NALF1: variants seen among roughly 807,000 people sequenced by gnomAD.
NALF1 encodes the protein family with sequence similarity 155 member A.
A neutral mutation model predicts 48.4 loss-of-function variants in NALF1; 3 were observed. That is an observed-to-expected ratio of 0.06 (90% CI 0.03 to 0.16). NALF1 has a LOEUF of 0.16. Among genes scored for constraint, NALF1 ranks in the 10% least tolerant of loss-of-function variants. The pLI is 1.00. For synonymous variants in NALF1, 262 were observed against 245.7 expected (o/e 1.07, Z -0.62); for missense variants, 526 against 571.5 (o/e 0.92, Z 0.81).
chr13:107,701,692 G>T (rs944322446), intron 1 of NALF1, among the ~76,000 whole-genome samples: 3 of 152,132 alleles, frequency 2.0e-5, no homozygotes, highest in Admixed American at 2.0e-4. Flanking sequence ...TAATACAACT[G>T]TATTGCATTT....
intron 1 of NALF1, among the ~76,000 whole-genome samples, chr13:107,760,867 T>C (rs1877242580): frequency 6.6e-6 from 1 of 152,156 alleles, no homozygotes; most frequent in Non-Finnish European, 1.5e-5. Flanking sequence ...GCAGTAGTAG[T>C]TGAGTCGGAC....
intron 1 of NALF1, among the ~76,000 whole-genome samples, chr13:107,234,292 G>A (rs1306524084): frequency 1.3e-5 from 2 of 152,168 alleles, no homozygotes; most frequent in African/African-American, 4.8e-5. Flanking sequence ...CGGGGCTTAG[G>A]TGAGCCCCTC....
At chr13:107,298,676 C>T (rs1282319854) in intron 1 of NALF1, among the ~76,000 whole-genome samples, 3 of 152,066 alleles carry the variant, frequency 2.0e-5, no homozygotes, top group Non-Finnish European at 4.4e-5. Flanking sequence ...AGGATCCACC[C>T]GCCTCAGCCT....
chr13:107,440,276 A>C (rs1884534524), intron 1 of NALF1, among the ~76,000 whole-genome samples: 1 of 152,216 alleles, frequency 6.6e-6, no homozygotes, highest in Non-Finnish European at 1.5e-5. Context: ...ATTTTATGGA[A>C]GACGTGGTGG....
intron 1 of NALF1, among the ~76,000 whole-genome samples, chr13:107,618,277 A>G (rs1879432809): frequency 6.6e-6 from 1 of 152,208 alleles, no homozygotes; most frequent in African/African-American, 2.4e-5. Context: ...GCAAACAGGA[A>G]CTGTTCAAGG....
At chr13:107,181,479 GTGTTT>G (rs1320588631) in intron 2 of NALF1, among the ~76,000 whole-genome samples, 3 of 151,020 alleles carry the variant, frequency 2.0e-5, no homozygotes, top group Non-Finnish European at 4.4e-5. Context: ...CTTTTTTGCT[GTGTTT>G]TGTTTTAGTT....
chr13:107,731,645 C>T (rs1876312521), intron 1 of NALF1, among the ~76,000 whole-genome samples: 1 of 152,130 alleles, frequency 6.6e-6, no homozygotes, highest in Non-Finnish European at 1.5e-5. Flanking sequence ...TAAGTGAGAA[C>T]AGGCAGTATT....
intron 1 of NALF1, among the ~76,000 whole-genome samples, chr13:107,278,643 C>T (rs1881327404): frequency 6.6e-6 from 1 of 152,114 alleles, no homozygotes; most frequent in African/African-American, 2.4e-5. Flanking sequence ...AGCTTGTTTA[C>T]ATAAAATGAA....
chr13:107,243,203 C>T lies in NALF1; in HGVS notation c.916-32448G>A, dbSNP rs140229438. Among the ~76,000 whole-genome samples the T allele has an allele frequency of 2.4e-3, 367 of 152,296 alleles. 1 individual carries two copies. The highest frequency in any genetic ancestry group is 8.3e-3 in the African/African-American group (344 of 41,562). On this transcript the variant is annotated intron_variant, in intron 1 of 2. Transcript: ENST00000375915. ...TAGGATCTCTCTCCCTAAAGTCTGC[C>T]GCTGCGTCTATTTCCTTTCTTTGAA...
intron 1 of NALF1, among the ~76,000 whole-genome samples, chr13:107,554,485 A>AG (rs1363868343): frequency 2.0e-5 from 3 of 152,148 alleles, no homozygotes; most frequent in African/African-American, 7.2e-5. Flanking sequence ...GGAAAGACCC[A>AG]GGCCAGGCAG....
intron 1 of NALF1, among the ~76,000 whole-genome samples, chr13:107,276,105 G>A (rs1194863086): frequency 2.6e-5 from 4 of 152,072 alleles, no homozygotes; most frequent in East Asian, 1.9e-4. Flanking sequence ...GCTCACCAGC[G>A]GCATCCCACC....
chr13:107,723,592 G>A (rs754176965), intron 1 of NALF1, among the ~76,000 whole-genome samples: 29 of 152,166 alleles, frequency 1.9e-4, no homozygotes, highest in Non-Finnish European at 5.9e-5. Context: ...AAGTCATCAG[G>A]AGAGAATATT....
At chr13:107,673,493 T>C (rs1307954818) in intron 1 of NALF1, among the ~76,000 whole-genome samples, 1 of 152,080 alleles carries the variant, frequency 6.6e-6, no homozygotes, top group Non-Finnish European at 1.5e-5. Context: ...TGAAAAAGAA[T>C]CCATGAGCTC....
intron 1 of NALF1, among the ~76,000 whole-genome samples, chr13:107,339,882 G>A (rs538958420): frequency 1.1e-4 from 16 of 152,124 alleles, no homozygotes; most frequent in Non-Finnish European, 1.9e-4. Flanking sequence ...TTATTCTATA[G>A]ATCACAAACA....
At chr13:107,387,350 A>G (rs980536495) in intron 1 of NALF1, among the ~76,000 whole-genome samples, 5 of 152,252 alleles carry the variant, frequency 3.3e-5, no homozygotes, top group Admixed American at 2.6e-4. Flanking sequence ...AACCCCCATT[A>G]CACAGCACCA....
At chr13:107,582,628 TG>T (rs1181367979) in intron 1 of NALF1, among the ~76,000 whole-genome samples, 1 of 152,202 alleles carries the variant, frequency 6.6e-6, no homozygotes, top group Non-Finnish European at 1.5e-5. Flanking sequence ...GGTTACAAAT[TG>T]TTTCTTTTCT....
chr13:107,655,073 C>T (rs1182933995), intron 1 of NALF1, among the ~76,000 whole-genome samples: 1 of 152,110 alleles, frequency 6.6e-6, no homozygotes, highest in African/African-American at 2.4e-5. Context: ...AAATCACTCC[C>T]CCTAAGAACT....
chr13:107,541,350 C>T (rs1876993445), intron 1 of NALF1, among the ~76,000 whole-genome samples: 1 of 152,130 alleles, frequency 6.6e-6, no homozygotes, highest in Non-Finnish European at 1.5e-5. Flanking sequence ...ATGTCTCTGT[C>T]TGCAGAAGTA....
intron 1 of NALF1, among the ~76,000 whole-genome samples, chr13:107,249,402 T>C (rs556126806): frequency 2.5e-4 from 38 of 152,268 alleles, no homozygotes; most frequent in Admixed American, 9.1e-4. Context: ...TCAAATGGTC[T>C]CCAAAGTTCA....
Sources: gnomAD v4.1 joint callset for allele counts (sites outside exome capture counted in the v4.1 genomes callset) on GRCh38, gnomAD v4.1.1 for gene constraint, MANE v1.5 for transcripts, NCBI Gene and HGNC (gene_info 2026-07-23, HGNC 2026-07-21) for gene names.